The following DNAH12 variants were observed in gnomAD, a reference collection of about 807,000 sequenced individuals.
The protein encoded by DNAH12 is dynein axonemal heavy chain 12.
In DNAH12, 285 loss-of-function variants were observed where a neutral mutation model predicts 371.5. The observed-to-expected ratio is 0.77, with a 90% confidence interval of 0.70 to 0.85. DNAH12 has a LOEUF of 0.85. Ranked by LOEUF, DNAH12 falls within the 40% of genes least tolerant of loss-of-function variation. The pLI, the probability that DNAH12 is intolerant of heterozygous loss-of-function variation, is 0.00. For synonymous variants in DNAH12, 1,200 were observed against 1,213.0 expected (o/e 0.99, Z 0.22); for missense variants, 3,611 against 3,689.4 (o/e 0.98, Z 0.55).
chr3:57,334,385 CAAA>C, intron 62 of DNAH12, 77 bp downstream of exon 62: 1 of 1,374,416 alleles, frequency 7.3e-7, no homozygotes, highest in Non-Finnish European at 9.5e-7. Context: ...GTTAAAGAAT[CAAA>C]TAACAAGAAC....
At chr3:57,404,243 A>G (rs1313696408) in intron 42 of DNAH12, among the ~76,000 whole-genome samples, 1 of 151,960 alleles carries the variant, frequency 6.6e-6, no homozygotes, top group African/African-American at 2.4e-5. Context: ...GTACAATTAT[A>G]TAATAGAATG....
At chr3:57,382,857 T>C (rs1020963216) in intron 49 of DNAH12, among the ~76,000 whole-genome samples, 2 of 152,222 alleles carry the variant, frequency 1.3e-5, no homozygotes, top group Non-Finnish European at 2.9e-5. Context: ...ATAGATAGTA[T>C]AGATTCACTT....
intron 70 of DNAH12, among the ~76,000 whole-genome samples, chr3:57,300,141 C>G (rs1475795294): frequency 6.6e-6 from 1 of 152,168 alleles, no homozygotes; most frequent in African/African-American, 2.4e-5. Flanking sequence ...TGCTGTGCTG[C>G]CCACTGCACT....
intron 12 of DNAH12, among the ~76,000 whole-genome samples, chr3:57,486,263 A>T (rs980871408): frequency 1.3e-5 from 2 of 152,012 alleles, no homozygotes; most frequent in Non-Finnish European, 2.9e-5. Flanking sequence ...ATTAAAATTA[A>T]TTTTTTCTTT....
chr3:57,523,003 G>GT (rs567222062), intron 4 of DNAH12, among the ~76,000 whole-genome samples: 1 of 151,414 alleles, frequency 6.6e-6, no homozygotes, highest in Non-Finnish European at 1.5e-5. Context: ...GCCACTTTGA[G>GT]TTTTTTTTCA....
At chr3:57,326,177 G>C (rs2061940522) in intron 62 of DNAH12, among the ~76,000 whole-genome samples, 1 of 151,960 alleles carries the variant, frequency 6.6e-6, no homozygotes, top group Non-Finnish European at 1.5e-5. Flanking sequence ...TAGCAAGGCA[G>C]GCCAACATTC....
At chr3:57,397,151 A>G (rs1410433965) in intron 43 of DNAH12, among the ~76,000 whole-genome samples, 1 of 152,246 alleles carries the variant, frequency 6.6e-6, no homozygotes, top group Non-Finnish European at 1.5e-5. Flanking sequence ...AAATCTAGAA[A>G]GTGACCATCA....
rs371670216 is a variant in DNAH12, at chr3:57,449,354, A to T, written c.3787-2665T>A. Among the ~76,000 whole-genome samples, 4 of 152,316 alleles carry T rather than the reference A, an allele frequency of 2.6e-5. No individual in the cohort carries two copies. In the East Asian group the frequency reaches 7.7e-4, roughly 29 times the overall value. ...CCCACGCTGTGCGCTCGCACTCCTC[A>T]GCCCTTGGGTGGTCGATGGGACTGG... On this transcript the variant is annotated intron_variant, in intron 25 of 73. Coordinates refer to ENST00000495027, the MANE Select transcript of DNAH12 (RefSeq NM_001366028.2).
intron 13 of DNAH12, among the ~76,000 whole-genome samples, chr3:57,473,688 C>T (rs560849909): frequency 3.6e-5 from 4 of 111,178 alleles, no homozygotes; most frequent in East Asian, 2.2e-4. Context: ...CATATGTATA[C>T]ATATATATAC....
At chr3:57,524,239 C>A (rs2068556656) in intron 2 of DNAH12, among the ~76,000 whole-genome samples, 1 of 152,056 alleles carries the variant, frequency 6.6e-6, no homozygotes, top group Non-Finnish European at 1.5e-5. Flanking sequence ...TTAAGTAGTA[C>A]CTCCTTCGAT....
chr3:57,514,623 G>A lies in DNAH12; in HGVS notation c.280-3644C>T, dbSNP rs151000099. On this transcript the variant is annotated intron_variant, in intron 4 of 73. Transcript: ENST00000495027. ...TGGAAGGGATGGGAGATGCTTCTCT[G>A]AGGTGTACTTTTGGTATAGTTCTGA... Among the ~76,000 whole-genome samples, 62 of 152,168 alleles carry A rather than the reference G, an allele frequency of 4.1e-4. 1 individual carries two copies. Among genetic ancestry groups the A allele is most frequent in the African/African-American group, 1.3e-3 (53 of 41,550 alleles).
rs892369252 is a variant in DNAH12, at chr3:57,399,398, A to G, written c.6948+3911T>C. On this transcript the variant is annotated intron_variant, in intron 43 of 73. Coordinates refer to ENST00000495027, the MANE Select transcript of DNAH12 (RefSeq NM_001366028.2). ...ACATAGAGTGGCCAAATGGATTAAA[A>G]AAAAGATCCATTAATATGCTGCCTA... Among the ~76,000 whole-genome samples, 23 of 152,296 alleles carry G rather than the reference A, an allele frequency of 1.5e-4. No homozygotes were observed. In the East Asian group the frequency reaches 3.7e-3, roughly 24 times the overall value.
At chr3:57,411,459 A>G (rs1377361313) in intron 39 of DNAH12, among the ~76,000 whole-genome samples, 1 of 142,520 alleles carries the variant, frequency 7.0e-6, no homozygotes, top group Non-Finnish European at 1.5e-5. Flanking sequence ...ACCCAGAGGC[A>G]GAGGTTGTAG....
chr3:57,551,334 C>T, the DNAH12 span, among the ~76,000 whole-genome samples: 907 of 151,904 alleles, frequency 6.0e-3, 10 homozygotes, highest in African/African-American at 0.021. Context: ...TGCAGTGGCG[C>T]GATCTCGGCT....
intron 12 of DNAH12, among the ~76,000 whole-genome samples, chr3:57,488,747 G>A (rs1322679421): frequency 6.6e-6 from 1 of 152,130 alleles, no homozygotes; most frequent in African/African-American, 2.4e-5. Flanking sequence ...GAAGTTACAA[G>A]CTTTTTTGGG....
intron 40 of DNAH12, among the ~76,000 whole-genome samples, chr3:57,407,019 C>T (rs2064052469): frequency 6.6e-6 from 1 of 152,056 alleles, no homozygotes; most frequent in African/African-American, 2.4e-5. Context: ...CTGCCTCAGC[C>T]TCCCGAGTAG....
chr3:57,367,488 C>T (rs1161168877), intron 56 of DNAH12, among the ~76,000 whole-genome samples: 2 of 152,158 alleles, frequency 1.3e-5, no homozygotes, highest in Non-Finnish European at 2.9e-5. Flanking sequence ...TTTCTTCCTC[C>T]ATCAATTTTC....
intron 65 of DNAH12, among the ~76,000 whole-genome samples, chr3:57,316,159 T>G (rs1168079409): frequency 2.7e-5 from 4 of 150,352 alleles, no homozygotes; most frequent in Non-Finnish European, 5.9e-5. Flanking sequence ...TGTTTTTGAC[T>G]AAGCCAAGGG....
rs908729555 is a variant in DNAH12, at chr3:57,542,171, G to A, written c.170+530C>T. On this transcript the variant is annotated intron_variant, in intron 2 of 73. Transcript: ENST00000495027. ...CCACTAAACTGGGGGGGGGGGGGGC[G>A]GTGAGTAGGATGTTGAACTCTGTTT... Among the ~76,000 whole-genome samples the A allele has an allele frequency of 6.9e-5, 8 of 116,382 alleles. No homozygotes were observed. In the East Asian group the frequency reaches 1.4e-3, roughly 21 times the overall value. The allele number at this position is 116,382 out of a possible 152,430, so 76.4% of individuals were successfully genotyped here.
Sources: allele counts gnomAD v4.1 joint callset (sites outside exome capture counted in the v4.1 genomes callset), GRCh38; gene constraint gnomAD v4.1.1; transcripts MANE v1.5; gene names NCBI Gene and HGNC (gene_info 2026-07-23, HGNC 2026-07-21).